Variants in CLUL1 observed in about 807,000 individuals in gnomAD.
The protein encoded by CLUL1 is clusterin-like protein 1.
In CLUL1, 43 loss-of-function variants were observed where a neutral mutation model predicts 49.4. That is an observed-to-expected ratio of 0.87 (90% CI 0.68 to 1.12). The LOEUF (loss-of-function observed/expected upper bound fraction) is 1.12, where lower values mean the gene tolerates loss of function less well. CLUL1 is among the 50% of genes most tolerant of loss of function. The pLI is 0.00. For missense variants in CLUL1, 486 were observed against 544.4 expected (o/e 0.89, Z 1.07); for synonymous variants, 192 against 184.9 (o/e 1.04, Z -0.31).
At chr18:608,500 AAAACAAAC>A (rs147073562) in intron 2 of CLUL1, among the ~76,000 whole-genome samples, 2 of 151,004 alleles carry the variant, frequency 1.3e-5, no homozygotes, top group African/African-American at 5.0e-5. Flanking sequence ...AATTTTGATT[AAAACAAAC>A]AAACAAACAA....
In CLUL1 at chr18:618,253, C is replaced by T. The variant is rs144202558; in HGVS notation, c.106+147C>T. 3 of 605,922 alleles carry T rather than the reference C, an allele frequency of 5.0e-6. No homozygotes were observed. Among genetic ancestry groups the T allele is most frequent in the Admixed American group, 3.0e-5 (1 of 33,318 alleles). The allele number at this position is 605,922 out of a possible 1,614,324, so 37.5% of individuals were successfully genotyped here. A position where few individuals can be genotyped will look rare whatever the true frequency, so the allele number is the denominator to read the frequency against. On this transcript the variant is annotated intron_variant, in intron 3 of 9. Transcript: ENST00000692774. The surrounding 1 kb of genome is among the most constrained non-coding windows in gnomAD (Gnocchi z 4.2). ...AGGCGCTTAAACCAGGTCATCCTGA[C>T]GCCAAACATCTGGGTAAAAATAGAA...
intron 7 of CLUL1, 118 bp downstream of exon 7, chr18:633,553 C>T (rs968956441): frequency 4.2e-6 from 4 of 943,502 alleles, no homozygotes; most frequent in Admixed American, 2.5e-5. Flanking sequence ...TTTTAATTCT[C>T]AGCAAGGAAA....
At position 649,355 on chromosome 18, in the gene CLUL1, G is replaced by A. The variant is rs188000191; in HGVS notation, c.1398-543G>A. Among the ~76,000 whole-genome samples, 60 of 152,246 alleles carry A rather than the reference G, an allele frequency of 3.9e-4. No individual in the cohort carries two copies. The East Asian group carries it at 0.011, about 28-fold the overall frequency. ...AACCCTCTTCTGGAACTTTCTTCTA[G>A]TTATCTAGCATCCTAAGTGCCTGGA... On this transcript the variant is annotated intron_variant, in intron 9 of 9. Transcript: ENST00000692774.
intron 2 of CLUL1, among the ~76,000 whole-genome samples, chr18:616,298 G>A (rs547221673): frequency 6.6e-6 from 1 of 152,118 alleles, no homozygotes; most frequent in South Asian, 2.1e-4. Context: ...AATGCCAAAC[G>A]AGAAAACAAA....
At chr18:610,082 T>C (rs1403043009) in intron 2 of CLUL1, among the ~76,000 whole-genome samples, 1 of 121,850 alleles carries the variant, frequency 8.2e-6, no homozygotes, top group Non-Finnish European at 1.9e-5. Context: ...CATTCCTCTA[T>C]GTTATCAAAT....
intron 2 of CLUL1, among the ~76,000 whole-genome samples, chr18:610,288 C>G (rs767121455): frequency 4.6e-5 from 7 of 152,160 alleles, no homozygotes; most frequent in Non-Finnish European, 8.8e-5. Flanking sequence ...TTCGAAGACT[C>G]AATAGTCTTC....
intron 9 of CLUL1, 21 bp from the exon 10 acceptor site, chr18:649,877 G>GA: frequency 7.9e-7 from 1 of 1,273,570 alleles, no homozygotes; most frequent in Non-Finnish European, 1.1e-6. Flanking sequence ...GATCATTGCT[G>GA]CCTTTTTTTT....
chr18:628,903 A>G (rs1189568134), intron 6 of CLUL1, among the ~76,000 whole-genome samples: 2 of 151,966 alleles, frequency 1.3e-5, no homozygotes, highest in Admixed American at 6.6e-5. Flanking sequence ...AAAGTGCTGG[A>G]ATTACAAGCA....
rs1273405449 is a variant in CLUL1 at position 618,028 on chromosome 18, G to C, written c.28G>C (p.Val10Leu). MKPPLLVFI[V>L]CLLWLKDSHC... is the part of the protein sequence containing the mutation. The stretch of plus-strand genomic sequence containing the variant: ...GAAGCCGCCACTCTTGGTGTTTATT[G>C]TGTGTCTGCTGTGGTTGAAAGACAG... The change falls in exon 3 of 10, where the codon GTG (valine) becomes CTG (leucine). Residue 10 changes from valine to leucine, a missense_variant. Physicochemically the swap from Val to Leu is conservative, Grantham distance 32. Transcript: ENST00000692774. This position sits in a 1 kb window ranked among gnomAD's most constrained non-coding sequence, Gnocchi z 4.2. 2 of 1,614,118 alleles carry C rather than the reference G, an allele frequency of 1.2e-6. No homozygotes were observed. The highest frequency in any genetic ancestry group is 3.3e-5 in the Admixed American group (2 of 60,010).
At chr18:631,028 T>A (rs1203495293) in intron 6 of CLUL1, among the ~76,000 whole-genome samples, 1 of 152,168 alleles carries the variant, frequency 6.6e-6, no homozygotes, top group Non-Finnish European at 1.5e-5. Flanking sequence ...CAACATTTAC[T>A]GAGCAAGTTC....
At chr18:619,029 G>A (rs1289709814) in intron 3 of CLUL1, among the ~76,000 whole-genome samples, 184 bp from the exon 4 acceptor site, 1 of 152,102 alleles carries the variant, frequency 6.6e-6, no homozygotes, top group Non-Finnish European at 1.5e-5. Flanking sequence ...GGAGTAGAAG[G>A]TATGGTCCGT....
chr18:619,179 G>C (rs531026095), intron 3 of CLUL1, 34 bp from the exon 4 acceptor site: 1 of 1,604,462 alleles, frequency 6.2e-7, no homozygotes, highest in East Asian at 2.2e-5. Flanking sequence ...AATCTGATCA[G>C]ATCTCAAAGA....
chr18:636,874 G>A (rs2074154089), intron 7 of CLUL1, among the ~76,000 whole-genome samples: 1 of 152,044 alleles, frequency 6.6e-6, no homozygotes, highest in Non-Finnish European at 1.5e-5. Context: ...TGATTTGCCT[G>A]CCTCTGCCTC....
chr18:618,506 C>T lies in CLUL1; in HGVS notation c.106+400C>T, dbSNP rs1311552306. Among the ~76,000 whole-genome samples the T allele has an allele frequency of 1.3e-5, 2 of 152,152 alleles. No homozygotes were observed. Among genetic ancestry groups the T allele is most frequent in the Non-Finnish European group, 1.5e-5 (1 of 68,040 alleles). ...CTAGTGAAAGAATGGGTTATAATTA[C>T]GTTGAATCTGGTTGTTCTGTGGCCA... On this transcript the variant is annotated intron_variant, in intron 3 of 9. Transcript: ENST00000692774. The surrounding 1 kb of genome is among the most constrained non-coding windows in gnomAD (Gnocchi z 4.2).
chr18:612,406 G>T (rs978006143), intron 2 of CLUL1, among the ~76,000 whole-genome samples: 2 of 152,164 alleles, frequency 1.3e-5, no homozygotes, highest in African/African-American at 2.4e-5. Context: ...CAGAAGAGGC[G>T]TGCTCCTTGT....
At chr18:648,590 ATATATATAGC>A (rs2074584588) in intron 9 of CLUL1, among the ~76,000 whole-genome samples, 1 of 152,106 alleles carries the variant, frequency 6.6e-6, no homozygotes, top group Admixed American at 6.5e-5. Context: ...GGATATATAT[ATATATATAGC>A]TATATATAGC....
intron 6 of CLUL1, among the ~76,000 whole-genome samples, chr18:632,904 C>T (rs2074028767): frequency 1.3e-5 from 2 of 152,170 alleles, no homozygotes; most frequent in African/African-American, 4.8e-5. Flanking sequence ...CCTGTAATCC[C>T]AGCACTTTGG....
intron 7 of CLUL1, among the ~76,000 whole-genome samples, chr18:636,774 C>T (rs2074150163): frequency 1.3e-5 from 2 of 151,724 alleles, no homozygotes; most frequent in East Asian, 1.9e-4. Context: ...TACAGGCAAC[C>T]GCCACCATGC....
At chr18:613,234 G>T in intron 2 of CLUL1, 1 of 460,506 alleles carries the variant, frequency 2.2e-6, no homozygotes, top group South Asian at 4.6e-5. Flanking sequence ...TACCTCCCAG[G>T]TTCAAGCGAT....
Sources: allele counts gnomAD v4.1 joint callset (sites outside exome capture counted in the v4.1 genomes callset), GRCh38; gene constraint gnomAD v4.1.1; non-coding constraint Gnocchi (gnomAD v3.1); transcripts MANE v1.5; gene names NCBI Gene and HGNC (gene_info 2026-07-23, HGNC 2026-07-21).